The following SLC23A2 variants were observed in gnomAD, a reference collection of about 807,000 sequenced individuals.
The protein encoded by SLC23A2 is solute carrier family 23 member 2.
A neutral mutation model predicts 73.3 loss-of-function variants in SLC23A2; 36 were observed. The observed-to-expected ratio is 0.49, with a 90% CI of 0.38 to 0.65. SLC23A2 has a LOEUF of 0.65. Ranked by LOEUF, SLC23A2 falls within the 30% of genes least tolerant of loss-of-function variation. The pLI is 0.00. For synonymous variants in SLC23A2, 343 were observed against 327.3 expected, an observed-to-expected ratio of 1.05 and a Z score of -0.52; for missense variants, 507 against 841.6, an observed-to-expected ratio of 0.60 and a Z score of 4.92.
At chr20:4,942,902 T>C (rs559279647) in intron 2 of SLC23A2, among the ~76,000 whole-genome samples, 8 of 152,242 alleles carry the variant, frequency 5.3e-5, no homozygotes, top group African/African-American at 1.9e-4. Context: ...ACTAATAGTC[T>C]GCCCAAAGAG....
At chr20:4,897,777 G>C (rs1386131107) in intron 6 of SLC23A2, among the ~76,000 whole-genome samples, 1 of 152,100 alleles carries the variant, frequency 6.6e-6, no homozygotes, top group African/African-American at 2.4e-5. Context: ...GGCCAGGCCT[G>C]GCCTCCTTGG....
rs768704914 is a variant in SLC23A2, at chr20:4,899,621, T to C, written c.416A>G (p.Gln139Arg). 4 of 1,614,000 alleles carry C rather than the reference T, an allele frequency of 2.5e-6. No individual in the cohort carries two copies. Among genetic ancestry groups the C allele is most frequent in the Admixed American group, 3.3e-5 (2 of 60,004 alleles). The stretch of plus-strand genomic sequence containing the variant: ...ACAGAAGAAAATGGTCCCAATGAGC[T>C]GGCTGGTGGCCCACTGGTCGTACCC... ...CVGYDQWATS[Q>R]LIGTIFFCVG... Residue 139 changes from glutamine (Q) to arginine (R), a missense_variant, in exon 6 of 17, where the codon CAG becomes CGG. Coordinates refer to ENST00000338244, the MANE Select transcript of SLC23A2 (RefSeq NM_005116.6). The surrounding 1 kb of genome is among the most constrained non-coding windows in gnomAD (Gnocchi z 4.9).
chr20:4,876,159 G>T (rs981548578), intron 9 of SLC23A2, among the ~76,000 whole-genome samples: 2 of 152,200 alleles, frequency 1.3e-5, no homozygotes, highest in African/African-American at 4.8e-5. Context: ...ACTAAAACTG[G>T]AATATTTTAA....
At chr20:4,963,541 TAA>T (rs11355760) in intron 2 of SLC23A2, among the ~76,000 whole-genome samples, 9 of 148,650 alleles carry the variant, frequency 6.1e-5, no homozygotes, top group African/African-American at 7.4e-5. Flanking sequence ...GCTTTCTTAT[TAA>T]AAAAAAAAAA....
intron 3 of SLC23A2, among the ~76,000 whole-genome samples, chr20:4,932,212 G>A (rs551383771): frequency 6.6e-6 from 1 of 152,308 alleles, no homozygotes; most frequent in Non-Finnish European, 1.5e-5. Context: ...CACTGGGCTA[G>A]ATTTAAAATG....
At chr20:4,884,718 GAA>G in intron 8 of SLC23A2, 33 bp downstream of exon 8, 1 of 1,497,216 alleles carries the variant, frequency 6.7e-7, no homozygotes, top group African/African-American at 1.4e-5. Flanking sequence ...GAAGAAACAT[GAA>G]GAAGCCAAAA....
chr20:4,885,279 T>G (rs992491000), intron 7 of SLC23A2, among the ~76,000 whole-genome samples: 3 of 152,212 alleles, frequency 2.0e-5, no homozygotes, highest in African/African-American at 4.8e-5. Context: ...TCCTAGAAGG[T>G]CAAAATGTAA....
In SLC23A2 at chr20:4,873,858, G is replaced by A. The variant is rs954910126; in HGVS notation, c.1102+78C>T. Reference sequence around the variant, plus strand: ...TCAGGAGACAGTCTGGGACAAAGACGGCTGTTCTGCCAAATTCCCACCCCT... The same window carrying A: ...TCAGGAGACAGTCTGGGACAAAGACAGCTGTTCTGCCAAATTCCCACCCCT... On this transcript the variant is annotated intron_variant, in intron 11 of 16. Transcript: ENST00000338244. 2.3e-5 allele frequency: 32 copies of A among 1,400,674 alleles called. No homozygotes were observed. The Middle Eastern group carries it at 5.9e-4, about 26-fold the overall frequency. The allele number at this position is 1,400,674 out of a possible 1,614,324, so 86.8% of individuals were successfully genotyped here.
rs1451728333 is a variant in SLC23A2 at position 4,959,694 on chromosome 20, C to T, written c.-155+11099G>A. Among the ~76,000 whole-genome samples, 6 of 152,028 alleles carry T rather than the reference C, an allele frequency of 3.9e-5. No homozygotes were observed. The East Asian group carries it at 7.7e-4, about 20-fold the overall frequency. On this transcript the variant is annotated intron_variant, in intron 2 of 16. Coordinates refer to ENST00000338244, the MANE Select transcript of SLC23A2 (RefSeq NM_005116.6). ...TCTAATTTTTGTAGAGATGAGGTTT[C>T]GTCATGTTGCTCAGGCTCTTGCCCG... is the stretch of plus-strand genomic sequence containing the variant.
chr20:5,006,457 G>A (rs1156656380), upstream of SLC23A2, among the ~76,000 whole-genome samples: 1 of 151,958 alleles, frequency 6.6e-6, no homozygotes, highest in African/African-American at 2.4e-5. Flanking sequence ...GAATTTGGGG[G>A]GTGGGGAAAA....
chr20:4,968,197 G>A (rs1210758771), intron 2 of SLC23A2, among the ~76,000 whole-genome samples: 2 of 152,206 alleles, frequency 1.3e-5, no homozygotes, highest in Non-Finnish European at 1.5e-5. Flanking sequence ...CTCCAGGCTG[G>A]AAGTTGTCAG....
chr20:4,911,502 G>A (rs1414463291), intron 4 of SLC23A2, among the ~76,000 whole-genome samples: 1 of 151,772 alleles, frequency 6.6e-6, no homozygotes, highest in African/African-American at 2.4e-5. Flanking sequence ...CCCAACTCAG[G>A]TACTATATTT....
rs1405315298 is a variant in SLC23A2 at position 4,966,897 on chromosome 20, T to C, written c.-155+3896A>G. 6.0e-5 allele frequency among the ~76,000 whole-genome samples: 9 copies of C among 151,080 alleles called. 1 individual carries two copies. In the Middle Eastern group the frequency reaches 0.01, roughly 172 times the overall value. ...ATCCAAACATCAAAGACAACCCTAT[T>C]ATTAATATCCTACACAGTCAGCTGG... On this transcript the variant is annotated intron_variant, in intron 2 of 16. Coordinates refer to ENST00000338244, the MANE Select transcript of SLC23A2 (RefSeq NM_005116.6).
intron 2 of SLC23A2, among the ~76,000 whole-genome samples, chr20:4,944,711 ACT>A (rs1324640410): frequency 3.9e-5 from 6 of 152,160 alleles, no homozygotes; most frequent in African/African-American, 1.4e-4. Flanking sequence ...GGATAAGGAC[ACT>A]CAAAACCTCA....
At chr20:4,996,512 A>C (rs1471090402) in intron 1 of SLC23A2, among the ~76,000 whole-genome samples, 9 of 151,688 alleles carry the variant, frequency 5.9e-5, no homozygotes, top group Non-Finnish European at 8.8e-5. Context: ...ATGGTGAAAC[A>C]CCATCTCTAC....
intron 4 of SLC23A2, among the ~76,000 whole-genome samples, chr20:4,909,528 A>G (rs945395998): frequency 1.3e-5 from 2 of 152,130 alleles, no homozygotes; most frequent in African/African-American, 4.8e-5. Context: ...AAGATAGCTT[A>G]AAGAGAATCC....
chr20:5,003,117 C>T (rs1301895300), upstream of SLC23A2, among the ~76,000 whole-genome samples: 1 of 152,208 alleles, frequency 6.6e-6, no homozygotes, highest in Non-Finnish European at 1.5e-5. Context: ...GGCGCGGTGG[C>T]TCAAGCCTGT....
intron 1 of SLC23A2, 127 bp from the exon 2 acceptor site, chr20:4,971,046 TTA>T (rs2087552448): frequency 6.6e-6 from 1 of 152,202 alleles, no homozygotes. Context: ...TACTTCATTT[TTA>T]TGGACTGCCT....
chr20:4,917,005 C>T (rs1568623299), intron 3 of SLC23A2, among the ~76,000 whole-genome samples: 1 of 152,218 alleles, frequency 6.6e-6, no homozygotes, highest in African/African-American at 2.4e-5. Flanking sequence ...AATGCAGACA[C>T]TCCTAAGCCT....
Sources: allele counts gnomAD v4.1 joint callset (sites outside exome capture counted in the v4.1 genomes callset), GRCh38; gene constraint gnomAD v4.1.1; non-coding constraint Gnocchi (gnomAD v3.1); transcripts MANE v1.5; gene names NCBI Gene and HGNC (gene_info 2026-07-23, HGNC 2026-07-21).